IDNK: variants seen among roughly 807,000 people sequenced by gnomAD.
IDNK encodes the protein IDNK gluconokinase, also known as gluconokinase.
IDNK carries 9 observed loss-of-function variants against 13.0 expected under a neutral mutation model. That is an observed-to-expected ratio of 0.69 (90% CI 0.42 to 1.21). The LOEUF is 1.21. Among genes scored for constraint, IDNK ranks in the 50% most tolerant of loss-of-function variants. IDNK has a pLI of 0.00. For synonymous variants in IDNK, 92 were observed against 94.9 expected (o/e 0.97, Z 0.18); for missense variants, 210 against 237.8 (o/e 0.88, Z 0.77).
chr9:83,638,166 A>G (rs1405974151), intron 3 of IDNK, among the ~76,000 whole-genome samples: 2 of 152,202 alleles, frequency 1.3e-5, no homozygotes, highest in Non-Finnish European at 2.9e-5. Context: ...ATATGGGAAA[A>G]TGGACCACTA....
At chr9:83,623,473 C>T (rs1283936197) in intron 1 of IDNK, 2 of 478,980 alleles carry the variant, frequency 4.2e-6, no homozygotes, top group African/African-American at 4.2e-5. Flanking sequence ...GCGGCGACCG[C>T]AGGCTCAGGG....
intron 3 of IDNK, 58 bp downstream of exon 3, chr9:83,629,017 C>G (rs907561695): frequency 7.2e-7 from 1 of 1,389,938 alleles, no homozygotes; most frequent in African/African-American, 1.4e-5. Flanking sequence ...AGGATGAGCT[C>G]GCTACAGCAC....
chr9:83,635,618 T>C (rs542018627), intron 3 of IDNK, among the ~76,000 whole-genome samples: 9 of 152,368 alleles, frequency 5.9e-5, no homozygotes, highest in African/African-American at 2.2e-4. Context: ...CTGGGAGTCA[T>C]TCTAACTCCT....
intron 3 of IDNK, among the ~76,000 whole-genome samples, chr9:83,633,418 C>T (rs549310052): frequency 5.1e-4 from 77 of 152,312 alleles, no homozygotes; most frequent in South Asian, 2.1e-3. Context: ...TCCCACAGCC[C>T]TCATCACTGC....
At chr9:83,636,413 C>T (rs1315749015) in intron 3 of IDNK, among the ~76,000 whole-genome samples, 4 of 152,184 alleles carry the variant, frequency 2.6e-5, no homozygotes, top group African/African-American at 9.7e-5. Context: ...TAATCCTTGA[C>T]ATCCTTCTTC....
intron 3 of IDNK, among the ~76,000 whole-genome samples, chr9:83,637,272 C>G (rs926886486): frequency 2.6e-5 from 4 of 152,328 alleles, no homozygotes; most frequent in South Asian, 2.1e-4. Context: ...AGTAAACTTA[C>G]GGGACCCTCA....
At chr9:83,632,546 T>C (rs1297128056) in intron 3 of IDNK, among the ~76,000 whole-genome samples, 1 of 91,930 alleles carries the variant, frequency 1.1e-5, no homozygotes, top group East Asian at 3.2e-4. Context: ...ACATTAACGA[T>C]AGCTGATGAG....
intron 3 of IDNK, among the ~76,000 whole-genome samples, chr9:83,631,505 G>C (rs547146024): frequency 2.1e-5 from 3 of 142,226 alleles, no homozygotes. Flanking sequence ...CCAGCTACTC[G>C]GGAGGCTAAG....
chr9:83,640,160 A>T (rs1386566219), intron 3 of IDNK, among the ~76,000 whole-genome samples: 1 of 152,226 alleles, frequency 6.6e-6, no homozygotes, highest in Non-Finnish European at 1.5e-5. Context: ...CATTAAAGAA[A>T]TTGAATCTGT....
chr9:83,626,483 C>G (rs898616734), intron 1 of IDNK: 4 of 371,524 alleles, frequency 1.1e-5, no homozygotes, highest in African/African-American at 8.5e-5. Context: ...GTGGCGTGAT[C>G]TCGGCTCACT....
At chr9:83,631,042 A>C (rs985949143) in intron 3 of IDNK, among the ~76,000 whole-genome samples, 1 of 152,192 alleles carries the variant, frequency 6.6e-6, no homozygotes, top group East Asian at 1.9e-4. Context: ...CTTGATAAGA[A>C]TCCAACGAGT....
At chr9:83,628,608 C>T (rs564481068) in intron 2 of IDNK, among the ~76,000 whole-genome samples, 15 of 151,322 alleles carry the variant, frequency 9.9e-5, no homozygotes, top group African/African-American at 2.7e-4. Flanking sequence ...GACAAGATTG[C>T]GCCACTGTAC....
intron 3 of IDNK, among the ~76,000 whole-genome samples, chr9:83,634,359 C>A (rs1023146798): frequency 2.6e-5 from 4 of 152,144 alleles, no homozygotes; most frequent in African/African-American, 9.7e-5. Context: ...TTTATTATGG[C>A]TTTCATAGTT....
In IDNK at chr9:83,644,051, T is replaced by C. The variant is rs1303925228; in HGVS notation, c.*271T>C. 2 of 370,208 alleles carry C rather than the reference T, an allele frequency of 5.4e-6. No individual in the cohort carries two copies. The highest frequency in any genetic ancestry group is 1.0e-5 in the Non-Finnish European group (2 of 200,480). 22.9% of individuals were successfully genotyped at this position (370,208 alleles called of 1,614,324 possible). A position where few individuals can be genotyped will look rare whatever the true frequency, so the allele number is the denominator to read the frequency against. On this transcript the variant is annotated 3_prime_UTR_variant, in exon 5 of 5. Transcript: ENST00000376419. ...TCAGAGGAAATTCTGTAATCAATGC[T>C]GGAAATCGTTACATTGTTTAGAACA... is the stretch of plus-strand genomic sequence containing the variant.
chr9:83,640,811 C>T (rs1831284600), intron 3 of IDNK, among the ~76,000 whole-genome samples: 1 of 152,240 alleles, frequency 6.6e-6, no homozygotes, highest in East Asian at 1.9e-4. Context: ...TGCCATTGCA[C>T]TCCAGCCTGG....
rs756514286 is a variant in IDNK, at chr9:83,643,791, G to A, written c.*11G>A. On this transcript the variant is annotated 3_prime_UTR_variant, in exon 5 of 5. Transcript: ENST00000376419. ...CTAAAAATGAAATGACAATGATTTTGTATCAGTGGTCCAAACAGAACTAAG... is the reference window on the plus strand; with the variant it reads ...CTAAAAATGAAATGACAATGATTTTATATCAGTGGTCCAAACAGAACTAAG... 6 of 1,570,602 alleles carry A rather than the reference G, an allele frequency of 3.8e-6. No individual in the cohort carries two copies. In the South Asian group the frequency reaches 4.5e-5, roughly 12 times the overall value.
At chr9:83,635,763 G>A (rs923350623) in intron 3 of IDNK, among the ~76,000 whole-genome samples, 6 of 152,204 alleles carry the variant, frequency 3.9e-5, no homozygotes, top group Non-Finnish European at 5.9e-5. Context: ...TTTTCTCAAA[G>A]ATAAATCCTT....
At chr9:83,637,231 A>G (rs963515069) in intron 3 of IDNK, among the ~76,000 whole-genome samples, 1 of 152,258 alleles carries the variant, frequency 6.6e-6, no homozygotes, top group Non-Finnish European at 1.5e-5. Flanking sequence ...TAGTGTGTGC[A>G]TGGAAGTAAA....
intron 3 of IDNK, among the ~76,000 whole-genome samples, chr9:83,637,582 A>G (rs561953487): frequency 6.6e-6 from 1 of 152,366 alleles, no homozygotes; most frequent in South Asian, 2.1e-4. Context: ...GAAAATAAAA[A>G]TGGCCAAAGT....
Sources: gnomAD v4.1 joint callset for allele counts (sites outside exome capture counted in the v4.1 genomes callset) on GRCh38, gnomAD v4.1.1 for gene constraint, MANE v1.5 for transcripts, NCBI Gene and HGNC (gene_info 2026-07-23, HGNC 2026-07-21) for gene names.